Variants in IRAK1BP1 observed in about 807,000 individuals in gnomAD.
The protein encoded by IRAK1BP1 is interleukin 1 receptor associated kinase 1 binding protein 1.
In IRAK1BP1, 24 loss-of-function variants were observed where a neutral mutation model predicts 28.0. That is an observed-to-expected ratio of 0.86 (90% CI 0.62 to 1.20). The LOEUF is 1.20. Ranked by LOEUF, IRAK1BP1 falls within the 50% of genes most tolerant of loss-of-function variation. IRAK1BP1 has a pLI of 0.00. For missense variants in IRAK1BP1, 336 were observed against 316.7 expected (o/e 1.06, Z -0.46); for synonymous variants, 131 against 116.3 (o/e 1.13, Z -0.81).
At position 78,946,088 on chromosome 6, in the gene IRAK1BP1, G is replaced by T; in HGVS notation, c.*748G>T. On this transcript the variant is annotated 3_prime_UTR_variant and NMD_transcript_variant, in exon 5 of 5. Coordinates refer to the IRAK1BP1 transcript ENST00000606868. ...GTAGATGGTTGCTCAGTGACAACTG[G>T]ATCTACAACCACTCGGTTGCTTCTG... The T allele has an allele frequency of 3.1e-6, 5 of 1,613,212 alleles. No homozygotes were observed. The South Asian group carries it at 5.5e-5, about 18-fold the overall frequency.
At chr6:78,910,688 C>T (rs887225321) in intron 4 of IRAK1BP1, among the ~76,000 whole-genome samples, 1 of 152,370 alleles carries the variant, frequency 6.6e-6, no homozygotes, top group South Asian at 2.1e-4. Flanking sequence ...CGGGCTCCCG[C>T]TCCTCACCTC....
chr6:78,937,112 T>TA (rs1429281898), intron 4 of IRAK1BP1: 1 of 151,760 alleles, frequency 6.6e-6, no homozygotes, highest in Non-Finnish European at 1.5e-5. Flanking sequence ...GCAGAACACT[T>TA]ACAGTCCTTT....
At position 78,898,411 on chromosome 6, in the gene IRAK1BP1, AATATATATATATAT is replaced by A. The variant is rs58937738; in HGVS notation, c.*98_*111del. On this transcript the variant is annotated 3_prime_UTR_variant, in exon 4 of 4. Coordinates refer to ENST00000369940, the MANE Select transcript of IRAK1BP1 (RefSeq NM_001010844.4). ...TTTTATAATGTTTACGTTTGTCCTG[AATATATATATATAT>A]ATATATATATATATATATATGGTAT... is the stretch of plus-strand genomic sequence containing the variant. 2.9e-3 allele frequency: 249 copies of A among 86,526 alleles called. 21 individuals carry two copies. The Admixed American group carries it at 0.03, about 10-fold the overall frequency. 5.4% of individuals were successfully genotyped at this position (86,526 alleles called of 1,614,324 possible).
intron 4 of IRAK1BP1, among the ~76,000 whole-genome samples, chr6:78,943,281 TAATA>T (rs1238232060): frequency 6.6e-6 from 1 of 152,184 alleles, no homozygotes; most frequent in Non-Finnish European, 1.5e-5. Flanking sequence ...TAATGTTAAC[TAATA>T]GATAATGATA....
downstream of IRAK1BP1, among the ~76,000 whole-genome samples, chr6:78,951,111 G>A (rs1402148206): frequency 1.3e-5 from 2 of 152,046 alleles, no homozygotes; most frequent in Non-Finnish European, 2.9e-5. Context: ...ATTATTTAGA[G>A]GTGGGCTCTT....
chr6:78,940,548 GTTTTTTTTTTTT>G lies in IRAK1BP1; in HGVS notation c.*68-4848_*68-4837del, dbSNP rs36155238. 2.1e-4 allele frequency: 17 copies of G among 82,720 alleles called. 1 individual carries two copies. Among genetic ancestry groups the G allele is most frequent in the Middle Eastern group, 0.012 (1 of 82 alleles). The allele number at this position is 82,720 out of a possible 1,614,324, so 5.1% of individuals were successfully genotyped here. On this transcript the variant is annotated intron_variant and NMD_transcript_variant, in intron 4 of 4. Coordinates refer to the IRAK1BP1 transcript ENST00000606868. ...AAGAAGTGAAGTGTCTCGTAAGTTT[GTTTTTTTTTTTT>G]TTTTTTTTTTTGCAAATCAAATCAT...
downstream of IRAK1BP1, chr6:78,946,596 CA>C: frequency 7.0e-7 from 1 of 1,424,228 alleles, no homozygotes; most frequent in Non-Finnish European, 9.1e-7. Context: ...ACTTGCATGT[CA>C]AATTATCATT....
intron 4 of IRAK1BP1, among the ~76,000 whole-genome samples, chr6:78,916,232 GTTCTAGAAAGTC>G (rs1449901987): frequency 6.6e-6 from 1 of 152,022 alleles, no homozygotes; most frequent in Non-Finnish European, 1.5e-5. Flanking sequence ...GTCTAATTTG[GTTCTAGAAAGTC>G]TTTAGATTGC....
At chr6:78,971,531 T>A in the IRAK1BP1 span, among the ~76,000 whole-genome samples, 8 of 152,258 alleles carry the variant, frequency 5.3e-5, no homozygotes, top group African/African-American at 1.9e-4. Flanking sequence ...GGGGCCAAGA[T>A]GGCCGAATAG....
At chr6:78,943,990 TAAAAAAA>T (rs558983037) in intron 4 of IRAK1BP1, among the ~76,000 whole-genome samples, 1 of 78,144 alleles carries the variant, frequency 1.3e-5, no homozygotes, top group Admixed American at 1.8e-4. Context: ...TGTCTTTTTT[TAAAAAAA>T]AAAAAAAAAA....
exon 5 of IRAK1BP1, chr6:78,946,169 T>C: frequency 6.2e-7 from 1 of 1,614,082 alleles, no homozygotes; most frequent in Non-Finnish European, 8.5e-7. Context: ...GCATTGTGTC[T>C]TGGCGGTATT....
chr6:78,870,154 T>A (rs1770745559), intron 1 of IRAK1BP1, among the ~76,000 whole-genome samples: 2 of 132,804 alleles, frequency 1.5e-5, no homozygotes, highest in African/African-American at 5.5e-5. Flanking sequence ...GGAGCCTGAC[T>A]ATCCTCATCT....
At chr6:78,916,752 GAT>G (rs1772570716) in intron 4 of IRAK1BP1, among the ~76,000 whole-genome samples, 1 of 151,910 alleles carries the variant, frequency 6.6e-6, no homozygotes, top group Non-Finnish European at 1.5e-5. Context: ...AGCCCAGGCA[GAT>G]CTCCAGACAT....
intron 1 of IRAK1BP1, among the ~76,000 whole-genome samples, chr6:78,880,341 GT>G (rs1226441021): frequency 6.6e-6 from 1 of 152,150 alleles, no homozygotes; most frequent in Non-Finnish European, 1.5e-5. Context: ...TGAGCATCAT[GT>G]TTGTGCTTAA....
downstream of IRAK1BP1, among the ~76,000 whole-genome samples, chr6:78,950,425 T>G (rs899000505): frequency 2.0e-5 from 3 of 152,208 alleles, no homozygotes; most frequent in Admixed American, 6.5e-5. Flanking sequence ...GAATTTGTGT[T>G]AATTCTTTAA....
intron 4 of IRAK1BP1, among the ~76,000 whole-genome samples, chr6:78,913,425 C>G (rs1224585155): frequency 6.6e-6 from 1 of 152,002 alleles, no homozygotes; most frequent in Non-Finnish European, 1.5e-5. Flanking sequence ...GCAGGTGGAT[C>G]ACTTGAGGTC....
chr6:78,969,247 ATATCAAT>A, the IRAK1BP1 span, among the ~76,000 whole-genome samples: 1 of 152,228 alleles, frequency 6.6e-6, no homozygotes, highest in East Asian at 1.9e-4. Context: ...ACAGACTGGT[ATATCAAT>A]TGATGTGCTT....
chr6:78,906,937 C>A (rs1321101571), downstream of IRAK1BP1, among the ~76,000 whole-genome samples: 1 of 152,120 alleles, frequency 6.6e-6, no homozygotes, highest in African/African-American at 2.4e-5. Flanking sequence ...AAGATGGTGG[C>A]TATTTTTTCA....
intron 4 of IRAK1BP1, among the ~76,000 whole-genome samples, chr6:78,915,914 T>A (rs1277740530): frequency 6.6e-6 from 1 of 152,178 alleles, no homozygotes; most frequent in Non-Finnish European, 1.5e-5. Context: ...TGTGGCAGAT[T>A]GATGATGTTT....
Sources: gnomAD v4.1 joint callset for allele counts (sites outside exome capture counted in the v4.1 genomes callset) on GRCh38, gnomAD v4.1.1 for gene constraint, MANE v1.5 for transcripts, NCBI Gene and HGNC (gene_info 2026-07-23, HGNC 2026-07-21) for gene names.